The following TESK2 variants were observed in gnomAD, a reference collection of about 807,000 sequenced individuals.
The protein encoded by TESK2 is testis associated actin remodelling kinase 2, also known as dual specificity testis-specific protein kinase 2.
A neutral mutation model predicts 57.1 loss-of-function variants in TESK2; 39 were observed. The observed-to-expected ratio is 0.68, with a 90% CI of 0.53 to 0.89. The LOEUF (loss-of-function observed/expected upper bound fraction) is 0.89, where lower values mean the gene tolerates loss of function less well. Among genes scored for constraint, TESK2 ranks in the 40% least tolerant of loss-of-function variants. TESK2 has a pLI of 0.00. For missense variants in TESK2, 646 were observed against 732.1 expected, an observed-to-expected ratio of 0.88 and a Z score of 1.36; for synonymous variants, 249 against 267.9, an observed-to-expected ratio of 0.93 and a Z score of 0.69.
chr1:45,387,061 A>G (rs1193679765), intron 3 of TESK2, among the ~76,000 whole-genome samples: 3 of 152,150 alleles, frequency 2.0e-5, no homozygotes, highest in African/African-American at 7.2e-5. Flanking sequence ...TAAGACTCTT[A>G]ATCTTGATTA....
chr1:45,416,626 AT>A (rs1650253532), intron 3 of TESK2, among the ~76,000 whole-genome samples: 1 of 152,028 alleles, frequency 6.6e-6, no homozygotes, highest in Non-Finnish European at 1.5e-5. Flanking sequence ...GTTTTTGGAA[AT>A]ATACATTATT....
At position 45,344,479 on chromosome 1, in the gene TESK2, C is replaced by G; in HGVS notation, c.*361G>C. 4.3e-6 allele frequency: 1 copy of G among 230,562 alleles called. No individual in the cohort carries two copies. Among genetic ancestry groups the G allele is most frequent in the Non-Finnish European group, 8.6e-6 (1 of 116,824 alleles). 14.3% of individuals were successfully genotyped at this position (230,562 alleles called of 1,614,324 possible). ...GTAGCTTATATGCCCCAAGAAAAGG[C>G]AAGAGACAGACCTGGGGTGGGGAAA... On this transcript the variant is annotated 3_prime_UTR_variant, in exon 11 of 11. Transcript: ENST00000372086.
At chr1:45,421,680 A>G (rs1468232516) in intron 3 of TESK2, 45 bp downstream of exon 3, 17 of 1,611,258 alleles carry the variant, frequency 1.1e-5, no homozygotes, top group Admixed American at 1.7e-5. Flanking sequence ...CAAGCCTCCA[A>G]TGTTTCAGTT....
chr1:45,477,393 C>T (rs1188393322), intron 1 of TESK2, among the ~76,000 whole-genome samples: 1 of 151,978 alleles, frequency 6.6e-6, no homozygotes, highest in Non-Finnish European at 1.5e-5. Context: ...AAATTTCAGG[C>T]AGGTGGATCA....
At chr1:45,368,468 G>A (rs1213206577) in intron 4 of TESK2, among the ~76,000 whole-genome samples, 2 of 151,538 alleles carry the variant, frequency 1.3e-5, no homozygotes, top group East Asian at 3.9e-4. Flanking sequence ...TCCGCCTCTG[G>A]GTTCAAGCAA....
chr1:45,486,997 A>G (rs1653510395), intron 1 of TESK2, among the ~76,000 whole-genome samples: 1 of 146,990 alleles, frequency 6.8e-6, no homozygotes, highest in East Asian at 2.0e-4. Flanking sequence ...TAATTTTTGT[A>G]TTTTTTTTTT....
At chr1:45,357,950 G>A (rs1280502876) in intron 4 of TESK2, among the ~76,000 whole-genome samples, 1 of 145,182 alleles carries the variant, frequency 6.9e-6, no homozygotes, top group Non-Finnish European at 1.5e-5. Context: ...GTTGCAGTAA[G>A]CCGAGATTGC....
intron 4 of TESK2, among the ~76,000 whole-genome samples, chr1:45,360,364 C>T (rs1163197525): frequency 6.6e-6 from 1 of 152,086 alleles, no homozygotes; most frequent in African/African-American, 2.4e-5. Flanking sequence ...ATATGTCGGG[C>T]CTGTCTTCAG....
At chr1:45,385,605 T>C (rs1195183971) in intron 4 of TESK2, among the ~76,000 whole-genome samples, 8 of 151,928 alleles carry the variant, frequency 5.3e-5, no homozygotes, top group Admixed American at 5.3e-4. Context: ...AGCACTCATA[T>C]TGTCAGAGTA....
chr1:45,359,297 C>T (rs1336105157), intron 4 of TESK2, among the ~76,000 whole-genome samples: 6 of 152,350 alleles, frequency 3.9e-5, no homozygotes, highest in Middle Eastern at 6.8e-3. Flanking sequence ...CCGTGGCTCA[C>T]GCCTGTAATC....
chr1:45,463,279 T>C (rs1652408101), intron 1 of TESK2, among the ~76,000 whole-genome samples: 1 of 152,234 alleles, frequency 6.6e-6, no homozygotes, highest in Admixed American at 6.5e-5. Flanking sequence ...TACCTGTACT[T>C]TGGGGATATT....
chr1:45,399,545 C>A (rs930820930), intron 3 of TESK2, among the ~76,000 whole-genome samples: 1 of 152,122 alleles, frequency 6.6e-6, no homozygotes, highest in African/African-American at 2.4e-5. Flanking sequence ...AAACTCCCGA[C>A]CTCAGGTAAT....
chr1:45,364,451 C>T (rs1225987362), intron 4 of TESK2, among the ~76,000 whole-genome samples: 1 of 152,216 alleles, frequency 6.6e-6, no homozygotes, highest in African/African-American at 2.4e-5. Flanking sequence ...AAGGATCTTC[C>T]CGTAGAGCCT....
intron 2 of TESK2, among the ~76,000 whole-genome samples, chr1:45,443,943 C>A (rs183196907): frequency 1.6e-3 from 237 of 152,122 alleles, no homozygotes; most frequent in Non-Finnish European, 2.5e-3. Context: ...CTTTGAGAGG[C>A]CAAGGTGGGA....
At chr1:45,416,128 G>C (rs1228721411) in intron 3 of TESK2, among the ~76,000 whole-genome samples, 2 of 124,138 alleles carry the variant, frequency 1.6e-5, no homozygotes, top group Non-Finnish European at 1.6e-5. Flanking sequence ...TATCACCCAG[G>C]CTGGAGTGAA....
intron 3 of TESK2, among the ~76,000 whole-genome samples, chr1:45,390,563 A>G (rs1316809262): frequency 1.3e-5 from 2 of 150,044 alleles, no homozygotes; most frequent in Non-Finnish European, 3.0e-5. Context: ...TACATTCTCT[A>G]TCTATGTTTC....
rs1474431213 is a variant in TESK2 at position 45,344,577 on chromosome 1, C to G, written c.*263G>C. The stretch of plus-strand genomic sequence containing the variant: ...CTCTGGTCCTATCTGGGGAAGTACA[C>G]TGGAGAGGGTCTGGTGGGAGGCAGA... On this transcript the variant is annotated 3_prime_UTR_variant, in exon 11 of 11. Transcript: ENST00000372086. The G allele has an allele frequency of 4.2e-6, 2 of 471,866 alleles. No individual in the cohort carries two copies. The highest frequency in any genetic ancestry group is 7.7e-6 in the Non-Finnish European group (2 of 260,736). 29.2% of individuals were successfully genotyped at this position (471,866 alleles called of 1,614,324 possible). A position where few individuals can be genotyped will look rare whatever the true frequency, so the allele number is the denominator to read the frequency against.
chr1:45,354,786 C>CAAA (rs869075485), intron 5 of TESK2, among the ~76,000 whole-genome samples: 4 of 43,320 alleles, frequency 9.2e-5, no homozygotes, highest in Non-Finnish European at 1.6e-4. Context: ...GAGACCGTCT[C>CAAA]AAAAAAAAAA....
At chr1:45,384,845 A>G (rs897869128) in intron 4 of TESK2, among the ~76,000 whole-genome samples, 21 of 152,072 alleles carry the variant, frequency 1.4e-4, no homozygotes, top group African/African-American at 5.1e-4. Context: ...TCAAGACTTC[A>G]GAGGCCATGC....
Sources: gnomAD v4.1 joint callset for allele counts (sites outside exome capture counted in the v4.1 genomes callset) on GRCh38, gnomAD v4.1.1 for gene constraint, MANE v1.5 for transcripts, NCBI Gene and HGNC (gene_info 2026-07-23, HGNC 2026-07-21) for gene names.